The following SPTBN1 variants were observed in gnomAD, a reference collection of about 807,000 sequenced individuals.
SPTBN1 encodes the protein spectrin beta chain, non-erythrocytic 1.
A neutral mutation model predicts 266.4 loss-of-function variants in SPTBN1; 32 were observed. The observed-to-expected ratio is 0.12, with a 90% confidence interval of 0.09 to 0.16. The LOEUF (loss-of-function observed/expected upper bound fraction) is 0.16, where lower values mean the gene tolerates loss of function less well. Ranked by LOEUF, SPTBN1 falls within the 10% of genes least tolerant of loss-of-function variation. The probability of loss-of-function intolerance (pLI) is 1.00; values close to 1 mark genes in which losing one functional copy is unlikely to be tolerated. For synonymous variants in SPTBN1, 1,336 were observed against 1,162.2 expected (o/e 1.15, Z -3.04); for missense variants, 2,296 against 3,067.1 (o/e 0.75, Z 5.94).
At position 54,459,441 on chromosome 2, in the gene SPTBN1, G is replaced by A. The variant is rs562122015; in HGVS notation, c.-48+2923G>A. Among the ~76,000 whole-genome samples the A allele has an allele frequency of 9.2e-5, 14 of 152,306 alleles. No homozygotes were observed. The South Asian group carries it at 2.7e-3, about 29-fold the overall frequency. ...GAGTGGTTGCTTTGTCTTGATGTTTGAATGTATGACTTTACATGTGGAAGT... is the reference window on the plus strand; with the variant it reads ...GAGTGGTTGCTTTGTCTTGATGTTTAAATGTATGACTTTACATGTGGAAGT... On this transcript the variant is annotated intron_variant, in intron 1 of 35. Coordinates refer to ENST00000356805, the MANE Select transcript of SPTBN1 (RefSeq NM_003128.3).
At chr2:54,545,870 T>G (rs1322405832) in intron 2 of SPTBN1, among the ~76,000 whole-genome samples, 1 of 152,144 alleles carries the variant, frequency 6.6e-6, no homozygotes, top group Non-Finnish European at 1.5e-5. Flanking sequence ...CCAAGGTAAG[T>G]TTTGGCATTT....
intron 2 of SPTBN1, among the ~76,000 whole-genome samples, chr2:54,535,422 A>G (rs1296870554): frequency 1.3e-5 from 2 of 152,184 alleles, no homozygotes; most frequent in Non-Finnish European, 2.9e-5. Flanking sequence ...CCCCAGCCCC[A>G]GGCAACTACT....
At chr2:54,624,650 C>G (rs1678210735) in intron 10 of SPTBN1, among the ~76,000 whole-genome samples, 154 bp from the exon 11 acceptor site, 1 of 152,024 alleles carries the variant, frequency 6.6e-6, no homozygotes, top group South Asian at 2.1e-4. Context: ...TTTTTTTCCT[C>G]AAGGCTTGAG....
chr2:54,512,871 C>A (rs1442992341), intron 1 of SPTBN1, among the ~76,000 whole-genome samples: 2 of 152,202 alleles, frequency 1.3e-5, no homozygotes, highest in East Asian at 1.9e-4. Flanking sequence ...CCTGCTATGG[C>A]TTAGGTGCCA....
At chr2:54,614,225 T>C (rs1320655934) in intron 4 of SPTBN1, among the ~76,000 whole-genome samples, 1 of 152,160 alleles carries the variant, frequency 6.6e-6, no homozygotes, top group Non-Finnish European at 1.5e-5. Context: ...AATAATATGA[T>C]TATGAATCAG....
intron 1 of SPTBN1, among the ~76,000 whole-genome samples, chr2:54,469,166 C>T (rs898579031): frequency 6.6e-6 from 1 of 152,186 alleles, no homozygotes; most frequent in African/African-American, 2.4e-5. Flanking sequence ...CCTTTGTTGC[C>T]TTTAACTCTA....
chr2:54,555,215 A>C (rs1672796783), intron 2 of SPTBN1, among the ~76,000 whole-genome samples: 1 of 151,818 alleles, frequency 6.6e-6, no homozygotes, highest in Admixed American at 6.6e-5. Flanking sequence ...TTCCTTTCCT[A>C]GATTTAACCC....
intron 17 of SPTBN1, 107 bp from the exon 18 acceptor site, chr2:54,637,606 C>T: frequency 4.5e-6 from 4 of 889,680 alleles, no homozygotes; most frequent in Non-Finnish European, 6.9e-6. Context: ...TGCAAGCAAA[C>T]TCTTTTTAGC....
At chr2:54,587,153 T>C (rs1247161884) in intron 2 of SPTBN1, among the ~76,000 whole-genome samples, 1 of 152,200 alleles carries the variant, frequency 6.6e-6, no homozygotes, top group Non-Finnish European at 1.5e-5. Flanking sequence ...GAATTCTCTC[T>C]CAATACCTCT....
At chr2:54,522,830 G>A (rs1231568816) in intron 1 of SPTBN1, among the ~76,000 whole-genome samples, 1 of 152,160 alleles carries the variant, frequency 6.6e-6, no homozygotes, top group Non-Finnish European at 1.5e-5. Flanking sequence ...GGAGTCAGGT[G>A]CGGTGGATGT....
In SPTBN1 at chr2:54,649,658, A is replaced by G. The variant is rs982880440; in HGVS notation, c.5246A>G (p.Asn1749Ser). The change falls in exon 26 of 36, where the codon AAC (asparagine) becomes AGC (serine). Residue 1749 changes from asparagine (N) to serine (S), a missense_variant. Asn to Ser is a conservative substitution (Grantham distance 46, BLOSUM62 1). Transcript: ENST00000356805. This position sits in a 1 kb window ranked among gnomAD's most constrained non-coding sequence, Gnocchi z 6.7. ...RFREFARDTG[N>S]IGQERVDTVN... ...CGGGAGTTTGCCCGAGACACCGGGA[A>G]CATTGGGCAGGAGCGCGTGGACACG... 3 of 1,612,456 alleles carry G rather than the reference A, an allele frequency of 1.9e-6. No homozygotes were observed. The highest frequency in any genetic ancestry group is 2.5e-6 in the Non-Finnish European group (3 of 1,178,514).
At chr2:54,589,309 T>C (rs1675508359) in intron 2 of SPTBN1, among the ~76,000 whole-genome samples, 1 of 152,158 alleles carries the variant, frequency 6.6e-6, no homozygotes, top group East Asian at 1.9e-4. Flanking sequence ...GGCAGGACCC[T>C]GGTGACAGAG....
chr2:54,488,108 C>T (rs1017834183), intron 1 of SPTBN1, among the ~76,000 whole-genome samples: 3 of 151,944 alleles, frequency 2.0e-5, no homozygotes, highest in Non-Finnish European at 4.4e-5. Flanking sequence ...GGATTACAGG[C>T]GTGAGTCACT....
At chr2:54,573,498 T>G in intron 2 of SPTBN1, among the ~76,000 whole-genome samples, 1 of 152,312 alleles carries the variant, frequency 6.6e-6, no homozygotes, top group East Asian at 1.9e-4. Flanking sequence ...GGCCGGTTCC[T>G]AATAGGTCAC....
chr2:54,664,158 A>G lies in SPTBN1; in HGVS notation c.6421-295A>G, dbSNP rs1172925563. Reference sequence around the variant, plus strand: ...ACTGTTGTCTTTTTGTTTTAAAGTAACCATAAGAGGAGATGATCTGAGTTA... The same window carrying G: ...ACTGTTGTCTTTTTGTTTTAAAGTAGCCATAAGAGGAGATGATCTGAGTTA... On this transcript the variant is annotated intron_variant, in intron 32 of 35. Transcript: ENST00000356805. This position sits in a 1 kb window ranked among gnomAD's most constrained non-coding sequence, Gnocchi z 5.6. 3.6e-6 allele frequency: 1 copy of G among 277,472 alleles called. No individual in the cohort carries two copies. The highest frequency in any genetic ancestry group is 6.7e-6 in the Non-Finnish European group (1 of 149,028). The allele number at this position is 277,472 out of a possible 1,614,324, so 17.2% of individuals were successfully genotyped here.
intron 2 of SPTBN1, among the ~76,000 whole-genome samples, chr2:54,532,948 TATC>T (rs1296355199): frequency 6.6e-6 from 1 of 152,224 alleles, no homozygotes; most frequent in Non-Finnish European, 1.5e-5. Flanking sequence ...ACATAGACCT[TATC>T]ATTATAGGAT....
At chr2:54,640,370 A>C (rs1679443267) in intron 18 of SPTBN1, among the ~76,000 whole-genome samples, 1 of 151,926 alleles carries the variant, frequency 6.6e-6, no homozygotes, top group Non-Finnish European at 1.5e-5. Flanking sequence ...TTGGTTAGAG[A>C]AGGTGTGGAT....
chr2:54,460,413 G>T (rs1693302083), intron 1 of SPTBN1, among the ~76,000 whole-genome samples: 1 of 152,052 alleles, frequency 6.6e-6, no homozygotes. Context: ...ATATACCATG[G>T]TTTATTTAGA....
At chr2:54,572,686 AT>A (rs375123053) in intron 2 of SPTBN1, among the ~76,000 whole-genome samples, 19 of 152,338 alleles carry the variant, frequency 1.2e-4, no homozygotes, top group African/African-American at 4.1e-4. Flanking sequence ...ATATACATAT[AT>A]GATTTCAATT....
Sources: gnomAD v4.1 joint callset for allele counts (sites outside exome capture counted in the v4.1 genomes callset) on GRCh38, gnomAD v4.1.1 for gene constraint, Gnocchi (gnomAD v3.1) non-coding constraint, MANE v1.5 for transcripts, NCBI Gene and HGNC (gene_info 2026-07-23, HGNC 2026-07-21) for gene names.